The following CTNNA2 variants were observed in gnomAD, a reference collection of about 807,000 sequenced individuals.
The protein encoded by CTNNA2 is catenin alpha-2.
In CTNNA2, 42 loss-of-function variants were observed where a neutral mutation model predicts 101.0. The ratio of observed to expected loss-of-function variants is 0.42; its 90% CI spans 0.32 to 0.54. The LOEUF (loss-of-function observed/expected upper bound fraction) is 0.54, where lower values mean the gene tolerates loss of function less well. CTNNA2 is among the 20% of genes least tolerant of loss of function. The pLI, the probability that CTNNA2 is intolerant of heterozygous loss-of-function variation, is 0.14. For missense variants in CTNNA2, 871 were observed against 1,223.1 expected (o/e 0.71, Z 4.29); for synonymous variants, 450 against 456.4 (o/e 0.99, Z 0.18).
At chr2:79,400,446 G>C (rs1678277768) in intron 4 of CTNNA2, among the ~76,000 whole-genome samples, 1 of 151,846 alleles carries the variant, frequency 6.6e-6, no homozygotes, top group African/African-American at 2.4e-5. Flanking sequence ...TCAATAAAGA[G>C]TTAGAAATTA....
chr2:79,537,835 T>G (rs553452922), intron 1 of CTNNA2, among the ~76,000 whole-genome samples: 29 of 152,094 alleles, frequency 1.9e-4, no homozygotes, highest in African/African-American at 6.5e-4. Flanking sequence ...CATACAACTT[T>G]CCTGGATACC....
intron 14 of CTNNA2, among the ~76,000 whole-genome samples, chr2:80,587,071 T>C (rs1226675042): frequency 6.6e-6 from 1 of 152,082 alleles, no homozygotes; most frequent in African/African-American, 2.4e-5. Context: ...GATCCAGTTG[T>C]GTAGAGTGGT....
At chr2:80,301,245 T>TA (rs1676281040) in intron 7 of CTNNA2, among the ~76,000 whole-genome samples, 1 of 152,208 alleles carries the variant, frequency 6.6e-6, no homozygotes, top group Non-Finnish European at 1.5e-5. Flanking sequence ...GCTGCAGTCT[T>TA]AGCAATGTGC....
At chr2:80,374,337 T>G (rs1276403852) in intron 7 of CTNNA2, among the ~76,000 whole-genome samples, 2 of 152,156 alleles carry the variant, frequency 1.3e-5, no homozygotes, top group Non-Finnish European at 2.9e-5. Flanking sequence ...CTGTGTTAAT[T>G]TGCTTACGAT....
At chr2:79,270,356 G>T (rs1361776819) in intron 2 of CTNNA2, among the ~76,000 whole-genome samples, 1 of 151,670 alleles carries the variant, frequency 6.6e-6, no homozygotes, top group African/African-American at 2.4e-5. Flanking sequence ...TTTTTTTTCT[G>T]ATGTGCAATC....
intron 7 of CTNNA2, among the ~76,000 whole-genome samples, chr2:80,088,208 A>G (rs1412015728): frequency 6.6e-6 from 1 of 152,042 alleles, no homozygotes; most frequent in Non-Finnish European, 1.5e-5. Flanking sequence ...GTTGATAAGT[A>G]TAACCAATAA....
chr2:80,572,889 C>G (rs1158786496), intron 12 of CTNNA2: 4 of 152,192 alleles, frequency 2.6e-5, no homozygotes, highest in Non-Finnish European at 5.9e-5. Flanking sequence ...TGTGGGCACA[C>G]AGTTTTCCTC....
chr2:79,584,084 T>G (rs1315770488), intron 1 of CTNNA2, among the ~76,000 whole-genome samples: 1 of 152,160 alleles, frequency 6.6e-6, no homozygotes, highest in African/African-American at 2.4e-5. Context: ...AGATGCTGCC[T>G]CCATCGTAAA....
chr2:79,913,974 C>T (rs1367803703), intron 7 of CTNNA2, among the ~76,000 whole-genome samples: 4 of 151,382 alleles, frequency 2.6e-5, no homozygotes, highest in Non-Finnish European at 5.9e-5. Context: ...GAGACCATCC[C>T]GGCTAAAACG....
intron 7 of CTNNA2, among the ~76,000 whole-genome samples, chr2:80,203,450 A>G (rs1043855598): frequency 7.2e-5 from 11 of 152,222 alleles, no homozygotes; most frequent in Non-Finnish European, 1.6e-4. Flanking sequence ...GGCCAAAACA[A>G]TGGGGCCACA....
chr2:80,635,157 C>A (rs554897885), intron 18 of CTNNA2, among the ~76,000 whole-genome samples: 1 of 152,044 alleles, frequency 6.6e-6, no homozygotes, highest in South Asian at 2.1e-4. Flanking sequence ...CATCTGTGAT[C>A]GTGTACACAG....
At chr2:80,067,235 CA>C (rs1428614137) in intron 7 of CTNNA2, among the ~76,000 whole-genome samples, 5 of 151,710 alleles carry the variant, frequency 3.3e-5, no homozygotes, top group Non-Finnish European at 5.9e-5. Context: ...GTTCGCATCA[CA>C]AAAAAATGAA....
chr2:79,847,776 G>A (rs1680356080), intron 3 of CTNNA2, among the ~76,000 whole-genome samples: 1 of 152,192 alleles, frequency 6.6e-6, no homozygotes, highest in Admixed American at 6.5e-5. Context: ...AAATCAAGAT[G>A]TCCTTTACAT....
chr2:79,664,157 C>T (rs1203642656), intron 2 of CTNNA2, among the ~76,000 whole-genome samples: 1 of 152,106 alleles, frequency 6.6e-6, no homozygotes, highest in Non-Finnish European at 1.5e-5. Flanking sequence ...TAATAAAAGG[C>T]ATAGTATAAA....
At chr2:79,318,052 G>T (rs755814070) in intron 3 of CTNNA2, among the ~76,000 whole-genome samples, 1 of 151,908 alleles carries the variant, frequency 6.6e-6, no homozygotes. Context: ...TAAATGTTAG[G>T]TTGAAGTTAT....
rs149452279 is a variant in CTNNA2 at position 80,303,607 on chromosome 2, G to A, written c.1057-89604G>A. 8 of 1,614,174 alleles carry A rather than the reference G, an allele frequency of 5.0e-6. No homozygotes were observed. Among genetic ancestry groups the A allele is most frequent in the Non-Finnish European group, 5.9e-6 (7 of 1,180,030 alleles). On this transcript the variant is annotated intron_variant, in intron 7 of 18. Coordinates refer to ENST00000402739, the MANE Select transcript of CTNNA2 (RefSeq NM_001282597.3). This position sits in a 1 kb window ranked among gnomAD's most constrained non-coding sequence, Gnocchi z 7.7. Reference sequence around the variant, plus strand: ...GCTCCGAGAGGCTGTTGTAGCGCAGGGACAAGCCCAGCAGGCCGGACAGGT... The same window carrying A: ...GCTCCGAGAGGCTGTTGTAGCGCAGAGACAAGCCCAGCAGGCCGGACAGGT...
chr2:80,511,276 A>G (rs187194917), intron 9 of CTNNA2, among the ~76,000 whole-genome samples: 1 of 152,334 alleles, frequency 6.6e-6, no homozygotes, highest in Admixed American at 6.5e-5. Context: ...GATATTAGAG[A>G]TATTTTTCCA....
chr2:79,818,866 A>G (rs1225952151), intron 3 of CTNNA2, among the ~76,000 whole-genome samples: 1 of 91,924 alleles, frequency 1.1e-5, no homozygotes, highest in African/African-American at 5.0e-5. Flanking sequence ...TGTGTATCAT[A>G]TTAAGTAAAC....
intron 7 of CTNNA2, among the ~76,000 whole-genome samples, chr2:79,966,107 T>A (rs988114748): frequency 2.6e-5 from 4 of 152,142 alleles, no homozygotes; most frequent in African/African-American, 9.7e-5. Context: ...TAATATCATT[T>A]ATTGAAGTTT....
Sources: gnomAD v4.1 joint callset for allele counts (sites outside exome capture counted in the v4.1 genomes callset) on GRCh38, gnomAD v4.1.1 for gene constraint, Gnocchi (gnomAD v3.1) non-coding constraint, MANE v1.5 for transcripts, NCBI Gene and HGNC (gene_info 2026-07-23, HGNC 2026-07-21) for gene names.